ZNF608: variants seen among roughly 807,000 people sequenced by gnomAD.
ZNF608 encodes renal carcinoma antigen NY-REN-36.
Under a neutral mutation model 109.0 loss-of-function variants are expected in ZNF608, and 12 were observed. That is an observed-to-expected ratio of 0.11 (90% CI 0.07 to 0.18). The LOEUF (loss-of-function observed/expected upper bound fraction) is 0.18, where lower values mean the gene tolerates loss of function less well. Among genes scored for constraint, ZNF608 ranks in the 10% least tolerant of loss-of-function variants. The probability of loss-of-function intolerance (pLI) is 1.00; values close to 1 mark genes in which losing one functional copy is unlikely to be tolerated. For missense variants in ZNF608, 1,707 were observed against 1,879.3 expected (o/e 0.91, Z 1.70); for synonymous variants, 732 against 717.4 (o/e 1.02, Z -0.33).
chr5:124,657,153 A>G (rs1182285700), intron 3 of ZNF608, among the ~76,000 whole-genome samples: 1 of 152,134 alleles, frequency 6.6e-6, no homozygotes, highest in Non-Finnish European at 1.5e-5. Context: ...AGAAGATACA[A>G]TGGCCTGTTA....
chr5:124,734,185 T>C (rs768996733), intron 2 of ZNF608, among the ~76,000 whole-genome samples: 1 of 152,178 alleles, frequency 6.6e-6, no homozygotes, highest in Non-Finnish European at 1.5e-5. Context: ...GAGGACTAAA[T>C]TCTACTATAA....
chr5:124,703,112 GCTT>G (rs1753121023), intron 2 of ZNF608, among the ~76,000 whole-genome samples: 1 of 151,788 alleles, frequency 6.6e-6, no homozygotes, highest in African/African-American at 2.4e-5. Context: ...ATGCTTTCCA[GCTT>G]CTTAATTTGT....
rs940401211 is a variant in ZNF608, at chr5:124,745,188, GA to G, written c.-183-17del. The G allele has an allele frequency of 2.3e-4, 310 of 1,366,212 alleles. 1 individual carries two copies. The highest frequency in any genetic ancestry group is 2.2e-3 in the South Asian group (118 of 54,604). 84.6% of individuals were successfully genotyped at this position (1,366,212 alleles called of 1,614,324 possible). ...CCACCTTTTCCTGTGAAGGGGGGGG[GA>G]AAAGTCGAATATTTCTTGTCTGGGT... is the stretch of plus-strand genomic sequence containing the variant. On this transcript the variant is annotated splice_polypyrimidine_tract_variant and intron_variant, in intron 1 of 9. Coordinates refer to ENST00000513986, the MANE Select transcript of ZNF608 (RefSeq NM_020747.3).
At chr5:124,734,586 G>A (rs1749059972) in intron 2 of ZNF608, 2 of 152,126 alleles carry the variant, frequency 1.3e-5, no homozygotes, top group African/African-American at 4.8e-5. Flanking sequence ...AACCACCCCA[G>A]CCGCTCGCTG....
chr5:124,639,221 G>A lies in ZNF608; in HGVS notation c.4451-7C>T, dbSNP rs114805784. The A allele has an allele frequency of 6.8e-3, 11,031 of 1,613,696 alleles. 76 individuals carry two copies. The highest frequency in any genetic ancestry group is 0.022 in the Middle Eastern group (131 of 6,058). On this transcript the variant is annotated splice_polypyrimidine_tract_variant and splice_region_variant and intron_variant, in intron 8 of 9. Transcript: ENST00000513986. ...AGGGCAGCAGAGGTCAAGCCTAATG[G>A]GGAAAAAATGTAGAGTGTCTGTGAT...
intron 2 of ZNF608, among the ~76,000 whole-genome samples, chr5:124,724,155 T>C (rs1023004412): frequency 6.6e-6 from 1 of 152,178 alleles, no homozygotes; most frequent in Admixed American, 6.5e-5. Context: ...CAAAGGAACA[T>C]TTTAAAGGTG....
At chr5:124,671,003 A>G (rs953356854) in intron 3 of ZNF608, among the ~76,000 whole-genome samples, 3 of 152,232 alleles carry the variant, frequency 2.0e-5, no homozygotes, top group African/African-American at 7.2e-5. Context: ...TCTACCTGCT[A>G]TTAAGCTGCT....
At position 124,701,180 on chromosome 5, in the gene ZNF608, A is replaced by G. The variant is rs1256431351; in HGVS notation, c.996T>C (p.Ser332=). The stretch of plus-strand genomic sequence containing the variant: ...CAACCGGTGCTGCAATATTGGATGA[A>G]GATGGGGAAAAGTAGGAGGGTAGAA... ...PQILPSYFSP[S]SSNIAAPVEQ... is the part of the protein sequence containing the mutation. The change falls in exon 3 of 10, where the codon TCT becomes TCC. Residue 332 remains serine (S), a synonymous_variant. Coordinates refer to ENST00000513986, the MANE Select transcript of ZNF608 (RefSeq NM_020747.3). The G allele has an allele frequency of 6.2e-7, 1 of 1,614,144 alleles. No homozygotes were observed.
chr5:124,643,835 G>A, intron 6 of ZNF608, 152 bp from the exon 7 acceptor site: 3 of 788,750 alleles, frequency 3.8e-6, no homozygotes, highest in Non-Finnish European at 5.9e-6. Context: ...ACTGTGTCTA[G>A]CTTCTCCAAT....
chr5:124,741,773 G>A (rs1285296396), intron 2 of ZNF608, among the ~76,000 whole-genome samples: 1 of 152,184 alleles, frequency 6.6e-6, no homozygotes, highest in African/African-American at 2.4e-5. Context: ...TGCCATTTCT[G>A]TGTGCCAAGG....
intron 8 of ZNF608, 47 bp from the exon 9 acceptor site, chr5:124,639,261 G>C (rs1403314781): frequency 1.9e-6 from 3 of 1,570,278 alleles, no homozygotes; most frequent in African/African-American, 1.4e-5. Flanking sequence ...AGAAGGATAA[G>C]AGTAGATACA....
rs559954790 is a variant in ZNF608 at position 124,733,679 on chromosome 5, C to G, written c.906+10405G>C. Among the ~76,000 whole-genome samples the G allele has an allele frequency of 7.8e-4, 119 of 152,154 alleles. 4 individuals carry two copies. In the South Asian group the frequency reaches 0.022, roughly 28 times the overall value. ...GCCACTAATTTTTTCATTTTTTTAA[C>G]CCAGGAGGTCTCTGCAATCTGAAGG... On this transcript the variant is annotated intron_variant, in intron 2 of 9. Transcript: ENST00000513986.
Position 124,744,481 on chromosome 5 carries a change from G to A in ZNF608, c.509C>T (p.Thr170Ile). 1 of 1,614,206 alleles carries A rather than the reference G, an allele frequency of 6.2e-7. No homozygotes were observed. The highest frequency in any genetic ancestry group is 8.5e-7 in the Non-Finnish European group (1 of 1,180,046). ...GGTGGCGGCAGAGGTGCTGGTGCTGGTACTATTGCTGTTTGGGTTGCCGCT... is the reference window on the plus strand; with the variant it reads ...GGTGGCGGCAGAGGTGCTGGTGCTGATACTATTGCTGTTTGGGTTGCCGCT... ...GGSGNPNSNS[T>I]STSTSAATAG... The change falls in exon 2 of 10, where the codon ACC (threonine) becomes ATC (isoleucine). Residue 170 changes from threonine to isoleucine, a missense_variant. By Grantham distance (89) the Thr-to-Ile change is moderately conservative. Coordinates refer to ENST00000513986, the MANE Select transcript of ZNF608 (RefSeq NM_020747.3). The surrounding 1 kb of genome is among the most constrained non-coding windows in gnomAD (Gnocchi z 4.5).
chr5:124,710,133 T>C (rs1411734272), intron 2 of ZNF608: 4 of 435,370 alleles, frequency 9.2e-6, no homozygotes, highest in Non-Finnish European at 1.8e-5. Flanking sequence ...TTATTTCTCC[T>C]TGAAATTAGG....
At chr5:124,709,084 T>C (rs1753382160) in intron 2 of ZNF608, among the ~76,000 whole-genome samples, 1 of 147,822 alleles carries the variant, frequency 6.8e-6, no homozygotes. Flanking sequence ...GGCAGGAGAA[T>C]TGCTTGAACC....
chr5:124,673,356 T>C (rs1173991141), intron 3 of ZNF608, among the ~76,000 whole-genome samples: 2 of 152,364 alleles, frequency 1.3e-5, no homozygotes, highest in East Asian at 3.9e-4. Context: ...CCACTCTTAA[T>C]TATTATGCAA....
intron 2 of ZNF608, among the ~76,000 whole-genome samples, chr5:124,739,769 C>T (rs141765813): frequency 1.3e-5 from 2 of 152,234 alleles, no homozygotes; most frequent in African/African-American, 4.8e-5. Context: ...ACACAGACAC[C>T]GTCGAAACTG....
At chr5:124,701,707 G>T (rs943348095) in intron 2 of ZNF608, among the ~76,000 whole-genome samples, 2 of 152,148 alleles carry the variant, frequency 1.3e-5, no homozygotes, top group African/African-American at 2.4e-5. Context: ...TGTTTTCAAA[G>T]AACTTTATAA....
chr5:124,681,173 C>A (rs748233344), intron 3 of ZNF608, among the ~76,000 whole-genome samples: 6 of 152,200 alleles, frequency 3.9e-5, no homozygotes, highest in Non-Finnish European at 8.8e-5. Flanking sequence ...GAATCCCAGG[C>A]CAGGTGCGGT....
Sources: gnomAD v4.1 joint callset for allele counts (sites outside exome capture counted in the v4.1 genomes callset) on GRCh38, gnomAD v4.1.1 for gene constraint, Gnocchi (gnomAD v3.1) non-coding constraint, MANE v1.5 for transcripts, NCBI Gene and HGNC (gene_info 2026-07-23, HGNC 2026-07-21) for gene names.